Variants in IGLL5 observed in about 807,000 individuals in gnomAD.
IGLL5 encodes the protein immunoglobulin lambda like polypeptide 5.
IGLL5 carries 30 observed loss-of-function variants against 20.9 expected under a neutral mutation model. The ratio of observed to expected loss-of-function variants is 1.44; its 90% CI spans 1.07 to 1.95. IGLL5 has a LOEUF of 1.95. Among genes scored for constraint, IGLL5 ranks in the 30% most tolerant of loss-of-function variants. The probability of loss-of-function intolerance (pLI) is 0.00; values close to 1 mark genes in which losing one functional copy is unlikely to be tolerated. For synonymous variants in IGLL5, 203 were observed against 117.3 expected, an observed-to-expected ratio of 1.73 and a Z score of -4.72; for missense variants, 475 against 270.7, an observed-to-expected ratio of 1.75 and a Z score of -5.30.
chr22:22,891,316 A>G lies in IGLL5; in HGVS notation c.207-2384A>G, dbSNP rs191480575. ...TCCAAATAGGAAAGCCAATCATCACACATTTGTTGAATATAAATGCAACTT... is the reference window on the plus strand; with the variant it reads ...TCCAAATAGGAAAGCCAATCATCACGCATTTGTTGAATATAAATGCAACTT... On this transcript the variant is annotated intron_variant, in intron 1 of 2. Transcript: ENST00000526893. Among the ~76,000 whole-genome samples the G allele has an allele frequency of 1.1e-4, 16 of 151,268 alleles. No individual in the cohort carries two copies. In the East Asian group the frequency reaches 3.2e-3, roughly 31 times the overall value.
chr22:22,889,206 A>C (rs2067696754), intron 1 of IGLL5, among the ~76,000 whole-genome samples: 1 of 150,972 alleles, frequency 6.6e-6, no homozygotes, highest in African/African-American at 2.4e-5. Flanking sequence ...GGGATCCTGG[A>C]GGAAGCCGTG....
Position 22,895,795 on chromosome 22 carries a change from T to A in IGLL5, c.*101T>A. 1.0e-5 allele frequency: 11 copies of A among 1,053,514 alleles called. No homozygotes were observed. The highest frequency in any genetic ancestry group is 1.6e-5 in the Non-Finnish European group (11 of 680,782). 65.3% of individuals were successfully genotyped at this position (1,053,514 alleles called of 1,614,324 possible). A position where few individuals can be genotyped will look rare whatever the true frequency, so the allele number is the denominator to read the frequency against. On this transcript the variant is annotated 3_prime_UTR_variant, in exon 3 of 3. Coordinates refer to ENST00000526893, the MANE Select transcript of IGLL5 (RefSeq NM_001178126.2). ...AGTCATCCAGCCCTTCTCCCTGCAC[T>A]CATGAAACCCCAATAAATATCCTCA...
At chr22:22,890,897 C>A (rs952726795) in intron 1 of IGLL5, among the ~76,000 whole-genome samples, 1 of 150,812 alleles carries the variant, frequency 6.6e-6, no homozygotes, top group East Asian at 2.0e-4. Context: ...GGTTTTATTT[C>A]GTCTGTGAAT....
chr22:22,888,519 G>C (rs2067609422), intron 1 of IGLL5, among the ~76,000 whole-genome samples: 2 of 151,284 alleles, frequency 1.3e-5, no homozygotes, highest in East Asian at 2.0e-4. Flanking sequence ...CAGGGTCAGT[G>C]CCTCAATCAC....
chr22:22,894,197 G>GAATT, intron 2 of IGLL5, among the ~76,000 whole-genome samples: 1 of 151,486 alleles, frequency 6.6e-6, no homozygotes, highest in African/African-American at 2.4e-5. Context: ...GTGGGCCTGG[G>GAATT]AGCTGCTGAG....
At chr22:22,888,894 GGTCTCACAGATCGAGGGGCACT>G (rs2067661555) in intron 1 of IGLL5, among the ~76,000 whole-genome samples, 1 of 151,298 alleles carries the variant, frequency 6.6e-6, no homozygotes, top group African/African-American at 2.4e-5. Context: ...TGCCCAGGCT[GGTCTCACAGATCGAGGGGCACT>G]GGCTGGTGAT....
At chr22:22,893,905 C>G (rs568747848) in intron 2 of IGLL5, 87 bp downstream of exon 2, 3 of 922,022 alleles carry the variant, frequency 3.3e-6, no homozygotes, top group Admixed American at 1.7e-5. Context: ...TTCCTCCCCT[C>G]TGTCCTCCCA....
At position 22,895,385 on chromosome 22, in the gene IGLL5, G is replaced by A. The variant is rs1209626599; in HGVS notation, c.336G>A (p.Lys112=). ...GTKVTVLGQP[K]ANPTVTLFPP... is the part of the protein sequence containing the mutation. ...TCCCTGTCCACACAGGTCAGCCCAA[G>A]GCCAACCCCACTGTCACTCTGTTCC... The change falls in exon 3 of 3, where the codon AAG becomes AAA. Residue 112 remains lysine (K), a synonymous_variant. Coordinates refer to ENST00000526893, the MANE Select transcript of IGLL5 (RefSeq NM_001178126.2). 8.7e-6 allele frequency: 14 copies of A among 1,612,740 alleles called. No homozygotes were observed. The highest frequency in any genetic ancestry group is 2.2e-5 in the East Asian group (1 of 44,696).
chr22:22,888,337 A>C, intron 1 of IGLL5, 78 bp downstream of exon 1: 1 of 1,377,504 alleles, frequency 7.3e-7, no homozygotes, highest in Non-Finnish European at 1.0e-6. Context: ...GAGACAAGCC[A>C]GAGGAGTGAG....
intron 1 of IGLL5, among the ~76,000 whole-genome samples, chr22:22,888,532 A>G (rs193009573): frequency 5.3e-5 from 8 of 151,402 alleles, no homozygotes; most frequent in South Asian, 4.2e-4. Flanking sequence ...TCAATCACCT[A>G]GTCCTAGTCC....
At chr22:22,890,796 T>C (rs1184595796) in intron 1 of IGLL5, among the ~76,000 whole-genome samples, 3 of 151,296 alleles carry the variant, frequency 2.0e-5, no homozygotes, top group South Asian at 2.1e-4. Context: ...TTTTATATTC[T>C]GCCCATCTGA....
intron 1 of IGLL5, among the ~76,000 whole-genome samples, chr22:22,888,641 T>A (rs556144997): frequency 1.3e-5 from 2 of 151,112 alleles, no homozygotes; most frequent in South Asian, 2.1e-4. Flanking sequence ...CCCCTCCTCC[T>A]CTCTGCCCAT....
chr22:22,896,019 T>G lies in IGLL5; in HGVS notation c.*325T>G. 2 of 505,114 alleles carry G rather than the reference T, an allele frequency of 4.0e-6. No homozygotes were observed. Among genetic ancestry groups the G allele is most frequent in the East Asian group, 3.7e-5 (1 of 27,118 alleles). The allele number at this position is 505,114 out of a possible 1,614,324, so 31.3% of individuals were successfully genotyped here. On this transcript the variant is annotated 3_prime_UTR_variant, in exon 3 of 3. Transcript: ENST00000526893. ...TCACCCCTTCTCCAACTCTCCACTG[T>G]ACCCCTGAGCTACCAGTCTGGCATC... is the stretch of plus-strand genomic sequence containing the variant.
chr22:22,891,987 A>G (rs2067862528), intron 1 of IGLL5, among the ~76,000 whole-genome samples: 1 of 151,072 alleles, frequency 6.6e-6, no homozygotes, highest in Non-Finnish European at 1.5e-5. Flanking sequence ...TGTAATATTT[A>G]TACCTCCTTC....
intron 2 of IGLL5, among the ~76,000 whole-genome samples, chr22:22,895,122 T>G (rs1301485455): frequency 6.6e-6 from 1 of 150,912 alleles, no homozygotes; most frequent in Admixed American, 6.6e-5. Flanking sequence ...TATGGAGAAA[T>G]TGAGGCTGTA....
chr22:22,894,241 C>A (rs150593100), intron 2 of IGLL5, among the ~76,000 whole-genome samples: 1 of 150,912 alleles, frequency 6.6e-6, no homozygotes, highest in African/African-American at 2.4e-5. Context: ...CCAAGAACAG[C>A]TGAGGGTCTA....
intron 1 of IGLL5, among the ~76,000 whole-genome samples, chr22:22,889,949 G>T (rs549532866): frequency 6.6e-6 from 1 of 151,194 alleles, no homozygotes; most frequent in Non-Finnish European, 1.5e-5. Context: ...AGAAAATATA[G>T]AAAAATGTCA....
chr22:22,888,232 G>C lies in IGLL5; in HGVS notation c.179G>C (p.Arg60Pro), dbSNP rs909749775. Residue 60 changes from arginine (R) to proline (P), a missense_variant, in exon 1 of 3, where the codon CGA (arginine) becomes CCA (proline). Coordinates refer to ENST00000526893, the MANE Select transcript of IGLL5 (RefSeq NM_001178126.2). ...PDPGASVGSS[R>P]SSLRSLWGRL... ...CCTGGAGCCTCAGTTGGAAGCAGCC[G>C]ATCCAGCCTGCGGAGCCTGTGGGGC... 28 of 1,548,088 alleles carry C rather than the reference G, an allele frequency of 1.8e-5. No individual in the cohort carries two copies. The highest frequency in any genetic ancestry group is 9.5e-5 in the South Asian group (8 of 83,934).
Position 22,895,509 on chromosome 22 carries a change from G to A in IGLL5, c.460G>A (p.Gly154Ser), listed in dbSNP as rs373828711. 43 of 1,612,610 alleles carry A rather than the reference G, an allele frequency of 2.7e-5. No homozygotes were observed. The highest frequency in any genetic ancestry group is 6.7e-5 in the African/African-American group (5 of 74,762). The change falls in exon 3 of 3, where the codon GGC (glycine) becomes AGC (serine). Residue 154 changes from glycine to serine, a missense_variant. Gly to Ser is a moderately conservative substitution (Grantham distance 56). Coordinates refer to ENST00000526893, the MANE Select transcript of IGLL5 (RefSeq NM_001178126.2). ...TGTGACAGTGGCCTGGAAGGCAGAT[G>A]GCAGCCCCGTCAAGGCGGGAGTGGA... ...GAVTVAWKADGSPVKAGVETT... is the reference protein window; with the variant it reads ...GAVTVAWKADSSPVKAGVETT...
Sources: gnomAD v4.1 joint callset for allele counts (sites outside exome capture counted in the v4.1 genomes callset) on GRCh38, gnomAD v4.1.1 for gene constraint, MANE v1.5 for transcripts, NCBI Gene and HGNC (gene_info 2026-07-23, HGNC 2026-07-21) for gene names.